The following MAGI3 variants were observed in gnomAD, a reference collection of about 807,000 sequenced individuals.
MAGI3 encodes membrane associated guanylate kinase, WW and PDZ domain containing 3, also known as membrane-associated guanylate kinase, WW and PDZ domain-containing protein 3.
A neutral mutation model predicts 121.8 loss-of-function variants in MAGI3; 43 were observed. That is an observed-to-expected ratio of 0.35 (90% CI 0.28 to 0.46). MAGI3 has a LOEUF of 0.46. Ranked by LOEUF, MAGI3 falls within the 20% of genes least tolerant of loss-of-function variation. MAGI3 has a pLI of 1.00. For missense variants in MAGI3, 1,547 were observed against 1,797.3 expected, an observed-to-expected ratio of 0.86 and a Z score of 2.52; for synonymous variants, 553 against 639.3, an observed-to-expected ratio of 0.86 and a Z score of 2.04.
intron 2 of MAGI3, among the ~76,000 whole-genome samples, chr1:113,553,000 T>C (rs771322356): frequency 6.6e-6 from 1 of 152,016 alleles, no homozygotes; most frequent in Non-Finnish European, 1.5e-5. Context: ...TAGAGACATA[T>C]CAGAAGGACA....
At chr1:113,547,983 T>C (rs1448375072) in intron 1 of MAGI3, among the ~76,000 whole-genome samples, 3 of 152,228 alleles carry the variant, frequency 2.0e-5, no homozygotes, top group Non-Finnish European at 4.4e-5. Flanking sequence ...ATATGTTTGC[T>C]GAACTTTTGA....
At chr1:113,508,770 G>A (rs1282120475) in intron 1 of MAGI3, among the ~76,000 whole-genome samples, 1 of 152,108 alleles carries the variant, frequency 6.6e-6, no homozygotes, top group African/African-American at 2.4e-5. Context: ...AAACATCTAA[G>A]CTTTATTGAT....
At chr1:113,490,492 C>T (rs1409084841) in intron 1 of MAGI3, among the ~76,000 whole-genome samples, 1 of 151,974 alleles carries the variant, frequency 6.6e-6, no homozygotes, top group Admixed American at 6.6e-5. Context: ...GAAAAATAAC[C>T]AGGGTCTGTG....
chr1:113,575,018 C>G (rs1410087148), intron 2 of MAGI3, among the ~76,000 whole-genome samples: 1 of 152,102 alleles, frequency 6.6e-6, no homozygotes. Flanking sequence ...AGTTCTCGTG[C>G]TGTGTTTTTC....
At chr1:113,547,087 A>C (rs1043452780) in intron 1 of MAGI3, among the ~76,000 whole-genome samples, 15 of 151,762 alleles carry the variant, frequency 9.9e-5, no homozygotes, top group African/African-American at 3.6e-4. Flanking sequence ...CATCTAAAAA[A>C]AAAAAAAAAA....
intron 9 of MAGI3, among the ~76,000 whole-genome samples, chr1:113,624,129 C>G (rs1378090297): frequency 6.6e-6 from 1 of 152,118 alleles, no homozygotes; most frequent in Non-Finnish European, 1.5e-5. Context: ...TAGGTGGCTT[C>G]TAAATCTTGG....
intron 9 of MAGI3, among the ~76,000 whole-genome samples, chr1:113,630,019 G>A (rs1469636054): frequency 1.3e-5 from 2 of 152,164 alleles, no homozygotes; most frequent in African/African-American, 4.8e-5. Context: ...AGCTAGGTTC[G>A]TGTCCCTCTC....
rs1026733424 is a variant in MAGI3, at chr1:113,422,181, C to T, written c.316+30832C>T. Among the ~76,000 whole-genome samples the T allele has an allele frequency of 6.6e-6, 1 of 152,134 alleles. No individual in the cohort carries two copies. Among genetic ancestry groups the T allele is most frequent in the Non-Finnish European group, 1.5e-5 (1 of 68,020 alleles). On this transcript the variant is annotated intron_variant, in intron 1 of 20. Coordinates refer to ENST00000307546, the MANE Select transcript of MAGI3 (RefSeq NM_001142782.2). The surrounding 1 kb of genome is among the most constrained non-coding windows in gnomAD (Gnocchi z 4.3). Reference sequence around the variant, plus strand: ...TAAGAAATAATAGAGATCTTGTATACCTTTCCCTTAGTTTGCACCAATGGT... The same window carrying T: ...TAAGAAATAATAGAGATCTTGTATATCTTTCCCTTAGTTTGCACCAATGGT...
chr1:113,652,676 A>C (rs1187278650), intron 14 of MAGI3, among the ~76,000 whole-genome samples: 2 of 152,222 alleles, frequency 1.3e-5, no homozygotes, highest in African/African-American at 4.8e-5. Flanking sequence ...AAAAAGAAAA[A>C]AACATATTCT....
intron 1 of MAGI3, among the ~76,000 whole-genome samples, chr1:113,437,886 C>CTTCCTCTT (rs1214332097): frequency 5.3e-3 from 59 of 11,104 alleles, no homozygotes; most frequent in Non-Finnish European, 6.4e-3. Flanking sequence ...TTCTCCTTCT[C>CTTCCTCTT]CTTCTCCTTC....
At chr1:113,400,306 T>C (rs1412981893) in intron 1 of MAGI3, among the ~76,000 whole-genome samples, 2 of 152,140 alleles carry the variant, frequency 1.3e-5, no homozygotes, top group East Asian at 3.8e-4. Context: ...AAATAATAAT[T>C]TTAGTAATAA....
chr1:113,444,714 A>G (rs1654084467), intron 1 of MAGI3, among the ~76,000 whole-genome samples: 1 of 152,234 alleles, frequency 6.6e-6, no homozygotes, highest in Non-Finnish European at 1.5e-5. Context: ...ACAAAGAAAC[A>G]GAAAAGTATG....
intron 6 of MAGI3, among the ~76,000 whole-genome samples, chr1:113,609,902 C>G (rs867442002): frequency 6.6e-6 from 1 of 152,140 alleles, no homozygotes; most frequent in African/African-American, 2.4e-5. Context: ...CAAATTTTCT[C>G]TTGGCCCTAA....
At position 113,505,557 on chromosome 1, in the gene MAGI3, T is replaced by A. The variant is rs113007353; in HGVS notation, c.317-43958T>A. ...AAATAAATAAATAAATAAATAAATA[T>A]ATAATGTCAGATCACATAAAAGCTA... On this transcript the variant is annotated intron_variant, in intron 1 of 20. Transcript: ENST00000307546. 4.8e-3 allele frequency among the ~76,000 whole-genome samples: 306 copies of A among 64,310 alleles called. 1 individual carries two copies. The highest frequency in any genetic ancestry group is 0.015 in the African/African-American group (257 of 17,280). 42.2% of individuals were successfully genotyped at this position (64,310 alleles called of 152,430 possible).
intron 1 of MAGI3, among the ~76,000 whole-genome samples, chr1:113,440,331 G>T (rs1653847393): frequency 6.6e-6 from 1 of 152,078 alleles, no homozygotes; most frequent in Non-Finnish European, 1.5e-5. Context: ...ACTTTTAAAT[G>T]GCTTCACATA....
intron 1 of MAGI3, among the ~76,000 whole-genome samples, chr1:113,410,221 A>C (rs984310076): frequency 6.6e-6 from 1 of 152,062 alleles, no homozygotes; most frequent in Non-Finnish European, 1.5e-5. Flanking sequence ...AGTCAGCTTC[A>C]TCTTTTCTGA....
intron 9 of MAGI3, among the ~76,000 whole-genome samples, chr1:113,628,636 G>A (rs2101798807): frequency 6.6e-6 from 1 of 152,222 alleles, no homozygotes; most frequent in Non-Finnish European, 1.5e-5. Context: ...TTTGTTGTCT[G>A]GAAGGTCTTT....
rs1647683149 is a variant in MAGI3, at chr1:113,673,423, T to C, written c.3147T>C (p.Arg1049=). 6.2e-7 allele frequency: 1 copy of C among 1,613,058 alleles called. No homozygotes were observed. The highest frequency in any genetic ancestry group is 1.3e-5 in the African/African-American group (1 of 74,990). Residue 1049 remains arginine, a synonymous_variant, in exon 19 of 21, where the codon CGT becomes CGC. Transcript: ENST00000307546. ...ACAACATGGGGCTGTTCATCCTTCG[T>C]CTTGCTGAAGATGGTCCTGCCATCA... is the stretch of plus-strand genomic sequence containing the variant. The part of the protein sequence containing the change: ...KEYNMGLFIL[R]LAEDGPAIKD...
chr1:113,420,534 T>C (rs1652684984), intron 1 of MAGI3, among the ~76,000 whole-genome samples: 1 of 152,214 alleles, frequency 6.6e-6, no homozygotes, highest in Non-Finnish European at 1.5e-5. Flanking sequence ...CATTCTTCCA[T>C]TCAGGTGAAA....
Sources: gnomAD v4.1 joint callset for allele counts (sites outside exome capture counted in the v4.1 genomes callset) on GRCh38, gnomAD v4.1.1 for gene constraint, Gnocchi (gnomAD v3.1) non-coding constraint, MANE v1.5 for transcripts, NCBI Gene and HGNC (gene_info 2026-07-23, HGNC 2026-07-21) for gene names.